GALNTL6: variants seen among roughly 807,000 people sequenced by gnomAD.
GALNTL6 encodes polypeptide N-acetylgalactosaminyltransferase like 6, also known as polypeptide N-acetylgalactosaminyltransferase-like 6.
Under a neutral mutation model 73.7 loss-of-function variants are expected in GALNTL6, and 46 were observed. The ratio of observed to expected loss-of-function variants is 0.62; its 90% CI spans 0.49 to 0.80. The LOEUF is 0.80. GALNTL6 is among the 30% of genes least tolerant of loss of function. The pLI is 0.00. For synonymous variants in GALNTL6, 259 were observed against 263.7 expected (o/e 0.98, Z 0.17); for missense variants, 604 against 755.0 (o/e 0.80, Z 2.34).
intron 2 of GALNTL6, among the ~76,000 whole-genome samples, chr4:171,836,362 T>C (rs1250567987): frequency 6.6e-6 from 1 of 152,076 alleles, no homozygotes; most frequent in East Asian, 1.9e-4. Flanking sequence ...ACAATGACCG[T>C]TAAACAGTTG....
At chr4:171,947,568 G>A (rs978533256) in intron 2 of GALNTL6, among the ~76,000 whole-genome samples, 1 of 152,142 alleles carries the variant, frequency 6.6e-6, no homozygotes, top group East Asian at 1.9e-4. Context: ...AACACACAAA[G>A]AGTGAACTGA....
At chr4:172,880,325 A>T (rs933827810) in intron 7 of GALNTL6, among the ~76,000 whole-genome samples, 1 of 152,110 alleles carries the variant, frequency 6.6e-6, no homozygotes, top group African/African-American at 2.4e-5. Context: ...TCTGCAATTT[A>T]AAAATAATGA....
At chr4:172,119,109 T>C (rs1380264775) in intron 2 of GALNTL6, among the ~76,000 whole-genome samples, 1 of 152,166 alleles carries the variant, frequency 6.6e-6, no homozygotes, top group Non-Finnish European at 1.5e-5. Context: ...TTGGTTTCAA[T>C]ATTACACTAT....
chr4:172,975,016 C>A (rs1750743627), intron 10 of GALNTL6, among the ~76,000 whole-genome samples: 1 of 152,224 alleles, frequency 6.6e-6, no homozygotes, highest in Admixed American at 6.5e-5. Flanking sequence ...AGGACTGCAG[C>A]TCTTCCCTCT....
intron 2 of GALNTL6, among the ~76,000 whole-genome samples, chr4:172,106,565 G>T (rs960374279): frequency 5.3e-5 from 8 of 152,130 alleles, no homozygotes; most frequent in African/African-American, 1.7e-4. Flanking sequence ...ACCCTCTTGA[G>T]AACTAATGAA....
At chr4:172,535,308 G>A (rs1401289403) in intron 5 of GALNTL6, among the ~76,000 whole-genome samples, 1 of 152,114 alleles carries the variant, frequency 6.6e-6, no homozygotes, top group Non-Finnish European at 1.5e-5. Flanking sequence ...TAGAAAAACA[G>A]TTTATTCATT....
intron 5 of GALNTL6, among the ~76,000 whole-genome samples, chr4:172,528,965 G>GTATATATATATATATA (rs1735071464): frequency 2.9e-5 from 1 of 34,496 alleles, no homozygotes; most frequent in Non-Finnish European, 6.8e-5. Flanking sequence ...ATATATATAT[G>GTATATATATATATATA]TGTGTGTATA....
At chr4:172,358,646 T>C (rs1255096233) in intron 5 of GALNTL6, among the ~76,000 whole-genome samples, 1 of 152,136 alleles carries the variant, frequency 6.6e-6, no homozygotes, top group Non-Finnish European at 1.5e-5. Flanking sequence ...GTCTGAACCA[T>C]TGCAACATAC....
intron 7 of GALNTL6, among the ~76,000 whole-genome samples, chr4:172,817,325 G>A (rs1741662110): frequency 6.6e-6 from 1 of 151,970 alleles, no homozygotes; most frequent in African/African-American, 2.4e-5. Context: ...CAGCTACTTG[G>A]GAAGCTGAGG....
chr4:172,966,681 C>T (rs1231777823), intron 10 of GALNTL6, among the ~76,000 whole-genome samples: 2 of 152,310 alleles, frequency 1.3e-5, no homozygotes, highest in Non-Finnish European at 2.9e-5. Context: ...CGTGAGCCAC[C>T]GCGCCCAGCC....
chr4:172,253,633 C>T lies in GALNTL6; in HGVS notation c.247+23869C>T, dbSNP rs547194069. On this transcript the variant is annotated intron_variant, in intron 3 of 12. Transcript: ENST00000506823. ...ATTTCTGAAGTGAGACATCTCATGTCATTCTGCAAGCTTGTATGTGACCAG... is the reference window on the plus strand; with the variant it reads ...ATTTCTGAAGTGAGACATCTCATGTTATTCTGCAAGCTTGTATGTGACCAG... Among the ~76,000 whole-genome samples, 6 of 152,050 alleles carry T rather than the reference C, an allele frequency of 3.9e-5. No homozygotes were observed. In the South Asian group the frequency reaches 1.2e-3, roughly 31 times the overall value.
At chr4:172,487,279 T>C (rs200727059) in intron 5 of GALNTL6, among the ~76,000 whole-genome samples, 9 of 95,720 alleles carry the variant, frequency 9.4e-5, no homozygotes, top group African/African-American at 1.8e-4. Flanking sequence ...TTCCTCTTTC[T>C]TTCTTTCCTT....
chr4:172,774,959 CAATAATAATAATAATAATAATAAT>C (rs57591714), intron 5 of GALNTL6, among the ~76,000 whole-genome samples: 1 of 140,614 alleles, frequency 7.1e-6, no homozygotes, highest in African/African-American at 2.7e-5. Context: ...GGCTCCATCT[CAATAATAATAATAATAATAATAAT>C]AATAATAATA....
At chr4:172,595,388 T>A (rs566435308) in intron 5 of GALNTL6, among the ~76,000 whole-genome samples, 11 of 152,320 alleles carry the variant, frequency 7.2e-5, no homozygotes, top group Admixed American at 3.3e-4. Flanking sequence ...CTCCAATCTC[T>A]GGATATCCTG....
intron 7 of GALNTL6, among the ~76,000 whole-genome samples, chr4:172,822,474 T>A (rs1741986167): frequency 6.6e-6 from 1 of 152,214 alleles, no homozygotes; most frequent in Non-Finnish European, 1.5e-5. Context: ...AACTCCAGAA[T>A]GCACTGCTCT....
intron 5 of GALNTL6, among the ~76,000 whole-genome samples, chr4:172,409,685 C>G (rs1431908649): frequency 6.6e-6 from 1 of 151,978 alleles, no homozygotes; most frequent in Non-Finnish European, 1.5e-5. Flanking sequence ...TACATTCCAT[C>G]TTTCCATATA....
In GALNTL6 at chr4:171,882,642, G is replaced by C. The variant is rs556115740; in HGVS notation, c.138+67924G>C. Among the ~76,000 whole-genome samples, 13 of 152,298 alleles carry C rather than the reference G, an allele frequency of 8.5e-5. No individual in the cohort carries two copies. In the South Asian group the frequency reaches 2.7e-3, roughly 32 times the overall value. ...AAAGCCGAAGAGCTTAGAGTCTGAC[G>C]TTTGAGGGCAGGAAGCATCCAACAC... is the stretch of plus-strand genomic sequence containing the variant. On this transcript the variant is annotated intron_variant, in intron 2 of 12. Coordinates refer to ENST00000506823, the MANE Select transcript of GALNTL6 (RefSeq NM_001034845.3).
At chr4:171,973,577 A>G (rs1219622294) in intron 2 of GALNTL6, among the ~76,000 whole-genome samples, 4 of 152,162 alleles carry the variant, frequency 2.6e-5, no homozygotes, top group African/African-American at 9.7e-5. Flanking sequence ...AAGGCCCATC[A>G]TAATTCAGTA....
chr4:171,896,013 A>T (rs1736903453), intron 2 of GALNTL6, among the ~76,000 whole-genome samples: 1 of 152,140 alleles, frequency 6.6e-6, no homozygotes, highest in Admixed American at 6.5e-5. Context: ...GAAATGCTGA[A>T]AAGTAAATAA....
Sources: allele counts gnomAD v4.1 joint callset (sites outside exome capture counted in the v4.1 genomes callset), GRCh38; gene constraint gnomAD v4.1.1; transcripts MANE v1.5; gene names NCBI Gene and HGNC (gene_info 2026-07-23, HGNC 2026-07-21).